ATRNL1: variants seen among roughly 807,000 people sequenced by gnomAD.
The protein encoded by ATRNL1 is attractin-like protein 1.
A neutral mutation model predicts 182.7 loss-of-function variants in ATRNL1; 95 were observed. The ratio of observed to expected loss-of-function variants is 0.52; its 90% CI spans 0.44 to 0.62. ATRNL1 has a LOEUF of 0.62. Ranked by LOEUF, ATRNL1 falls within the 20% of genes least tolerant of loss-of-function variation. The pLI is 0.00. For synonymous variants in ATRNL1, 576 were observed against 568.3 expected (o/e 1.01, Z -0.19); for missense variants, 1,471 against 1,679.5 (o/e 0.88, Z 2.17).
At chr10:115,410,729 T>TA (rs547739961) in intron 20 of ATRNL1, among the ~76,000 whole-genome samples, 6 of 152,132 alleles carry the variant, frequency 3.9e-5, no homozygotes, top group Non-Finnish European at 7.3e-5. Context: ...TATCTTCATT[T>TA]AAAAAGAAAT....
intron 26 of ATRNL1, among the ~76,000 whole-genome samples, chr10:115,678,538 G>A (rs12249141): frequency 0.012 from 1,769 of 152,122 alleles, 34 homozygotes; most frequent in African/African-American, 0.04. Flanking sequence ...TCTGGCTTCT[G>A]TTTTGGGAAA....
intron 26 of ATRNL1, among the ~76,000 whole-genome samples, chr10:115,556,510 C>T (rs1274644963): frequency 6.6e-6 from 1 of 152,162 alleles, no homozygotes; most frequent in Non-Finnish European, 1.5e-5. Context: ...TCACAACTGT[C>T]ATCTGGCCAG....
At chr10:115,322,462 A>G (rs1554931819) in intron 18 of ATRNL1, among the ~76,000 whole-genome samples, 1 of 151,926 alleles carries the variant, frequency 6.6e-6, no homozygotes, top group Non-Finnish European at 1.5e-5. Context: ...TTACATTTTT[A>G]TGGTTATAGG....
At chr10:115,775,542 T>C (rs1443020379) in intron 27 of ATRNL1, among the ~76,000 whole-genome samples, 1 of 152,208 alleles carries the variant, frequency 6.6e-6, no homozygotes, top group Non-Finnish European at 1.5e-5. Context: ...AAAGTTATAA[T>C]ATTTGAACTT....
At chr10:115,621,737 T>C (rs576244859) in intron 26 of ATRNL1, among the ~76,000 whole-genome samples, 19 of 152,344 alleles carry the variant, frequency 1.2e-4, no homozygotes, top group African/African-American at 3.8e-4. Flanking sequence ...TCCCATTCCA[T>C]TTCTTATTAA....
chr10:115,416,161 G>A (rs1228620224), intron 20 of ATRNL1, among the ~76,000 whole-genome samples: 1 of 151,880 alleles, frequency 6.6e-6, no homozygotes, highest in African/African-American at 2.4e-5. Context: ...ATGATGTTGA[G>A]GTGTCCTACA....
At chr10:115,226,069 G>C (rs1849681293) in intron 9 of ATRNL1, among the ~76,000 whole-genome samples, 1 of 151,598 alleles carries the variant, frequency 6.6e-6, no homozygotes, top group Admixed American at 6.6e-5. Flanking sequence ...TTGTTGCAAA[G>C]ACAGGGAAAT....
chr10:115,771,650 C>G (rs1948996881), intron 27 of ATRNL1, among the ~76,000 whole-genome samples: 1 of 152,090 alleles, frequency 6.6e-6, no homozygotes, highest in South Asian at 2.1e-4. Context: ...CAGCGTTACC[C>G]TTTTCTATGC....
chr10:115,373,838 A>T (rs1857520455), intron 19 of ATRNL1, among the ~76,000 whole-genome samples: 2 of 151,668 alleles, frequency 1.3e-5, no homozygotes, highest in Non-Finnish European at 3.0e-5. Flanking sequence ...CTTTTATCTT[A>T]GTGTTCTTTT....
At chr10:115,252,974 A>G (rs1850945013) in intron 10 of ATRNL1, among the ~76,000 whole-genome samples, 1 of 152,118 alleles carries the variant, frequency 6.6e-6, no homozygotes, top group African/African-American at 2.4e-5. Context: ...TGCTCCACCT[A>G]CCACCAATGA....
intron 19 of ATRNL1, among the ~76,000 whole-genome samples, chr10:115,369,315 G>A (rs1432692726): frequency 6.6e-6 from 1 of 150,608 alleles, no homozygotes; most frequent in African/African-American, 2.4e-5. Flanking sequence ...AGGGGGAAGG[G>A]GGTTCCATGA....
chr10:115,782,939 T>C (rs1250184162), intron 27 of ATRNL1, among the ~76,000 whole-genome samples: 3 of 152,164 alleles, frequency 2.0e-5, no homozygotes, highest in Admixed American at 2.0e-4. Context: ...CAAATATATT[T>C]GTTAGGAGCA....
intron 21 of ATRNL1, among the ~76,000 whole-genome samples, chr10:115,448,225 G>T (rs1007186352): frequency 6.6e-6 from 1 of 152,012 alleles, no homozygotes; most frequent in Non-Finnish European, 1.5e-5. Flanking sequence ...TGTTAAAAAT[G>T]ACATTTATAC....
At chr10:115,627,495 A>G (rs1858180775) in intron 26 of ATRNL1, among the ~76,000 whole-genome samples, 1 of 151,814 alleles carries the variant, frequency 6.6e-6, no homozygotes, top group African/African-American at 2.4e-5. Flanking sequence ...CTCCCGAGTA[A>G]CTGAGATTAC....
chr10:115,568,915 A>G (rs1854223478), intron 26 of ATRNL1, among the ~76,000 whole-genome samples: 3 of 152,054 alleles, frequency 2.0e-5, no homozygotes, highest in African/African-American at 4.8e-5. Context: ...ATATCAACAT[A>G]TGCAAATGTG....
chr10:115,154,228 G>T (rs531785128), intron 5 of ATRNL1, among the ~76,000 whole-genome samples: 1 of 151,902 alleles, frequency 6.6e-6, no homozygotes, highest in East Asian at 1.9e-4. Context: ...TATTAGGTCC[G>T]CTTGGTGCAG....
chr10:115,405,524 A>G (rs1489155329), intron 20 of ATRNL1, among the ~76,000 whole-genome samples: 4 of 152,134 alleles, frequency 2.6e-5, no homozygotes, highest in Non-Finnish European at 4.4e-5. Context: ...GCCGGTGCAA[A>G]TATGATATCC....
At chr10:115,467,449 T>C (rs970741302) in intron 23 of ATRNL1, among the ~76,000 whole-genome samples, 197 bp downstream of exon 23, 2 of 150,884 alleles carry the variant, frequency 1.3e-5, no homozygotes, top group Non-Finnish European at 3.0e-5. Flanking sequence ...CTTTATTCAA[T>C]TAAAATTAGA....
intron 19 of ATRNL1, among the ~76,000 whole-genome samples, chr10:115,367,466 G>A (rs1427119140): frequency 1.3e-5 from 2 of 148,952 alleles, no homozygotes; most frequent in Non-Finnish European, 3.0e-5. Flanking sequence ...TGGTTTGAAT[G>A]TCCTCCCATA....
Sources: allele counts gnomAD v4.1 joint callset (sites outside exome capture counted in the v4.1 genomes callset), GRCh38; gene constraint gnomAD v4.1.1; transcripts MANE v1.5; gene names NCBI Gene and HGNC (gene_info 2026-07-23, HGNC 2026-07-21).